The following LCORL variants were observed in gnomAD, a reference collection of about 807,000 sequenced individuals.
LCORL encodes ligand dependent nuclear receptor corepressor like.
LCORL carries 41 observed loss-of-function variants against 141.8 expected under a neutral mutation model. The ratio of observed to expected loss-of-function variants is 0.29; its 90% CI spans 0.23 to 0.38. The LOEUF is 0.38. Ranked by LOEUF, LCORL falls within the 10% of genes least tolerant of loss-of-function variation. The pLI is 1.00. For synonymous variants in LCORL, 618 were observed against 694.1 expected (o/e 0.89, Z 1.72); for missense variants, 1,759 against 2,035.0 (o/e 0.86, Z 2.61).
At chr4:17,879,696 AT>A (rs1399088221) in intron 6 of LCORL, among the ~76,000 whole-genome samples, 1 of 150,390 alleles carries the variant, frequency 6.6e-6, no homozygotes, top group African/African-American at 2.5e-5. Flanking sequence ...ATTACAATAT[AT>A]TTTTTTCCAG....
rs1315792525 is a variant in LCORL, at chr4:17,878,035, C to G, written c.955G>C (p.Val319Leu). 18 of 1,230,444 alleles carry G rather than the reference C, an allele frequency of 1.5e-5. No homozygotes were observed. In the East Asian group the frequency reaches 5.7e-4, roughly 39 times the overall value. 76.2% of individuals were successfully genotyped at this position (1,230,444 alleles called of 1,614,324 possible). A position where few individuals can be genotyped will look rare whatever the true frequency, so the allele number is the denominator to read the frequency against. The change falls in exon 7 of 8, where the codon GTG becomes CTG. Residue 319 changes from valine to leucine, a missense_variant. This residue lies in a region of LCORL where 1,311 missense variants were observed against 1,531.3 expected (regional missense o/e 0.86). Coordinates refer to ENST00000635767, the Ensembl canonical transcript of LCORL. ...AAGGGCTTTTGAGATTCTGAAGACA[C>G]AACACATGATGTATTACAACAGCAA...
chr4:18,006,140 T>C (rs1722768599), intron 1 of LCORL, among the ~76,000 whole-genome samples: 1 of 152,152 alleles, frequency 6.6e-6, no homozygotes, highest in Non-Finnish European at 1.5e-5. Flanking sequence ...ATACCCTAAA[T>C]CATCTCTGTC....
chr4:17,878,739 T>C (rs2109192939), intron 6 of LCORL, among the ~76,000 whole-genome samples: 1 of 151,422 alleles, frequency 6.6e-6, no homozygotes, highest in East Asian at 1.9e-4. Context: ...AGAGAATGTC[T>C]TTCCTAAGAT....
chr4:17,995,893 A>C (rs1720846428), intron 1 of LCORL, among the ~76,000 whole-genome samples: 1 of 152,108 alleles, frequency 6.6e-6, no homozygotes, highest in Non-Finnish European at 1.5e-5. Flanking sequence ...ATTCTGGACA[A>C]ATGTATCTCT....
At chr4:17,977,141 G>A (rs1330493634) in intron 1 of LCORL, among the ~76,000 whole-genome samples, 2 of 152,036 alleles carry the variant, frequency 1.3e-5, no homozygotes, top group African/African-American at 4.8e-5. Flanking sequence ...TCTCTGTATT[G>A]TTGCTGGTTA....
intron 6 of LCORL, chr4:17,883,099 A>T: frequency 2.1e-6 from 2 of 970,738 alleles, no homozygotes; most frequent in Non-Finnish European, 2.4e-6. Context: ...GATAAATATT[A>T]AATTTCATTA....
At chr4:17,944,217 G>T (rs1023509570) in intron 4 of LCORL, among the ~76,000 whole-genome samples, 3 of 152,036 alleles carry the variant, frequency 2.0e-5, no homozygotes, top group African/African-American at 7.2e-5. Context: ...TAGGCTCATT[G>T]ATTTTAGTTA....
chr4:17,980,704 G>T (rs1717824414), intron 1 of LCORL, among the ~76,000 whole-genome samples: 1 of 152,090 alleles, frequency 6.6e-6, no homozygotes, highest in Non-Finnish European at 1.5e-5. Flanking sequence ...CAATCCCCAG[G>T]GCCATGGACC....
At chr4:17,943,711 T>C (rs887153818) in intron 4 of LCORL, among the ~76,000 whole-genome samples, 1 of 152,190 alleles carries the variant, frequency 6.6e-6, no homozygotes, top group African/African-American at 2.4e-5. Context: ...ATGGTCTCAA[T>C]AGCCCATGTA....
chr4:17,932,812 T>A (rs1736261508), intron 4 of LCORL, among the ~76,000 whole-genome samples: 1 of 152,198 alleles, frequency 6.6e-6, no homozygotes, highest in Non-Finnish European at 1.5e-5. Flanking sequence ...TCTCCAATAT[T>A]TATTCTCTGG....
chr4:17,986,835 T>C (rs1385025633), intron 1 of LCORL, among the ~76,000 whole-genome samples: 4 of 152,218 alleles, frequency 2.6e-5, no homozygotes, highest in Non-Finnish European at 4.4e-5. Context: ...CATAGTTTTA[T>C]GTATTCTGGG....
At chr4:17,977,421 T>C (rs555984501) in intron 1 of LCORL, among the ~76,000 whole-genome samples, 30 of 152,178 alleles carry the variant, frequency 2.0e-4, no homozygotes, top group Non-Finnish European at 3.7e-4. Context: ...TGGTTAGTTG[T>C]GTTTTTCTTT....
intron 6 of LCORL, chr4:17,882,359 T>C (rs1465277327): frequency 2.0e-6 from 2 of 984,248 alleles, no homozygotes; most frequent in African/African-American, 3.5e-5. Flanking sequence ...CAAATCCCTA[T>C]TCTTTATATG....
At chr4:17,893,445 T>C in intron 5 of LCORL, 1 of 985,196 alleles carries the variant, frequency 1.0e-6, no homozygotes. Context: ...ATATAAATTA[T>C]GCAAACAGTT....
chr4:17,859,004 C>A lies in LCORL; in HGVS notation c.5603-13103G>T, dbSNP rs574089284. ...AAGCAAGAAGCAAGTAGAACAATAT[C>A]TGTAAAGTACAGTCTCTGGCTTAGG... On this transcript the variant is annotated intron_variant, in intron 7 of 7. Coordinates refer to ENST00000635767, the Ensembl canonical transcript of LCORL. Among the ~76,000 whole-genome samples the A allele has an allele frequency of 7.2e-5, 11 of 152,272 alleles. No individual in the cohort carries two copies. The East Asian group carries it at 2.1e-3, about 29-fold the overall frequency.
chr4:17,850,822 T>G, intron 7 of LCORL, among the ~76,000 whole-genome samples: 1 of 151,888 alleles, frequency 6.6e-6, no homozygotes, highest in Non-Finnish European at 1.5e-5. Context: ...TAAAGACACA[T>G]GCACACGTAT....
rs567498935 is a variant in LCORL, at chr4:17,858,729, A to AAATAATAATAAT, written c.5603-12840_5603-12829dup. On this transcript the variant is annotated intron_variant, in intron 7 of 7. Coordinates refer to ENST00000635767, the Ensembl canonical transcript of LCORL. ...GGCAACAAGAGTGAAACTCCATCTC[A>AAATAATAATAAT]AATAATAATAATAATAATAATAATA... 2.2e-3 allele frequency among the ~76,000 whole-genome samples: 333 copies of AAATAATAATAAT among 149,156 alleles called. 4 individuals carry two copies. Among genetic ancestry groups the AAATAATAATAAT allele is most frequent in the African/African-American group, 7.6e-3 (307 of 40,472 alleles).
At chr4:17,881,841 T>G (rs1341012772) in intron 6 of LCORL, 1 of 984,064 alleles carries the variant, frequency 1.0e-6, no homozygotes, top group Non-Finnish European at 1.2e-6. Flanking sequence ...CCTTTAACTT[T>G]GCTTTCCATT....
intron 4 of LCORL, among the ~76,000 whole-genome samples, chr4:17,950,192 G>T (rs1235388639): frequency 6.6e-6 from 1 of 152,020 alleles, no homozygotes; most frequent in Non-Finnish European, 1.5e-5. Context: ...CTTATTTTAT[G>T]GTGTTCAAAT....
Sources: allele counts gnomAD v4.1 joint callset (sites outside exome capture counted in the v4.1 genomes callset), GRCh38; gene constraint gnomAD v4.1.1; regional missense constraint gnomAD v4.1.1; transcripts MANE v1.5; gene names NCBI Gene and HGNC (gene_info 2026-07-23, HGNC 2026-07-21).